FERMT2: variants seen among roughly 807,000 people sequenced by gnomAD.
FERMT2 encodes the protein fermitin family homolog 2.
In FERMT2, 15 loss-of-function variants were observed where a neutral mutation model predicts 82.7. The observed-to-expected ratio is 0.18, with a 90% CI of 0.12 to 0.28. FERMT2 has a LOEUF of 0.28. Ranked by LOEUF, FERMT2 falls within the 10% of genes least tolerant of loss-of-function variation. The pLI is 1.00. For missense variants in FERMT2, 645 were observed against 809.4 expected (o/e 0.80, Z 2.46); for synonymous variants, 274 against 271.5 (o/e 1.01, Z -0.09).
Position 52,860,289 on chromosome 14 carries a change from T to C in FERMT2, c.1727+52A>G. The C allele has an allele frequency of 1.9e-6, 3 of 1,583,876 alleles. No individual in the cohort carries two copies. In the South Asian group the frequency reaches 3.4e-5, roughly 18 times the overall value. On this transcript the variant is annotated intron_variant, in intron 13 of 14. Coordinates refer to ENST00000341590, the MANE Select transcript of FERMT2 (RefSeq NM_006832.3). Reference sequence around the variant, plus strand: ...TTAATATCTAATTACATGAGGTAGATTAAGCAAAAATGCAGATTAAGGTTT... The same window carrying C: ...TTAATATCTAATTACATGAGGTAGACTAAGCAAAAATGCAGATTAAGGTTT...
rs978762573 is a variant in FERMT2 at position 52,857,517 on chromosome 14, T to C, written c.*860A>G. On this transcript the variant is annotated 3_prime_UTR_variant, in exon 15 of 15. Coordinates refer to ENST00000341590, the MANE Select transcript of FERMT2 (RefSeq NM_006832.3). ...GATCATAATGAAGTCATTCTTAATTTAGTAGATATTAAAACTGCACGTTAA... is the reference window on the plus strand; with the variant it reads ...GATCATAATGAAGTCATTCTTAATTCAGTAGATATTAAAACTGCACGTTAA... 1.3e-5 allele frequency: 2 copies of C among 152,644 alleles called. No individual in the cohort carries two copies. Among genetic ancestry groups the C allele is most frequent in the East Asian group, 3.8e-4 (2 of 5,198 alleles). The allele number at this position is 152,644 out of a possible 1,614,324, so 9.5% of individuals were successfully genotyped here. A position where few individuals can be genotyped will look rare whatever the true frequency, so the allele number is the denominator to read the frequency against.
intron 4 of FERMT2, among the ~76,000 whole-genome samples, chr14:52,885,312 CAAAAAAAAA>C (rs1181582996): frequency 8.2e-5 from 5 of 61,064 alleles, no homozygotes; most frequent in East Asian, 5.7e-4. Context: ...GACTTAGTCT[CAAAAAAAAA>C]AAAAAAAAAA....
intron 2 of FERMT2, among the ~76,000 whole-genome samples, chr14:52,925,933 C>G (rs1306142093): frequency 6.6e-6 from 1 of 152,098 alleles, no homozygotes; most frequent in African/African-American, 2.4e-5. Flanking sequence ...CATGAGCCAC[C>G]GCGCCCGGCA....
intron 10 of FERMT2, among the ~76,000 whole-genome samples, chr14:52,870,576 G>A (rs1192288969): frequency 6.6e-6 from 1 of 152,116 alleles, no homozygotes; most frequent in Admixed American, 6.6e-5. Flanking sequence ...ATTTAGATAT[G>A]TTTAGATAAC....
intron 10 of FERMT2, among the ~76,000 whole-genome samples, chr14:52,869,266 C>G (rs1168271152): frequency 1.3e-5 from 2 of 152,102 alleles, no homozygotes; most frequent in African/African-American, 4.8e-5. Flanking sequence ...TACAGAATTC[C>G]AAAATGTGGG....
intron 4 of FERMT2, among the ~76,000 whole-genome samples, chr14:52,890,862 CA>C (rs1471849751): frequency 1.3e-5 from 2 of 152,088 alleles, no homozygotes; most frequent in East Asian, 3.9e-4. Flanking sequence ...CTCAGCCTCC[CA>C]AAAGTGCTGG....
chr14:52,881,001 G>A, intron 6 of FERMT2, 35 bp downstream of exon 6: 1 of 1,350,894 alleles, frequency 7.4e-7, no homozygotes, highest in Non-Finnish European at 1.0e-6. Context: ...CAAATTAATG[G>A]GGAAAAAAAA....
At chr14:52,905,515 T>G (rs563398240) in intron 3 of FERMT2, among the ~76,000 whole-genome samples, 1 of 152,328 alleles carries the variant, frequency 6.6e-6, no homozygotes, top group East Asian at 1.9e-4. Flanking sequence ...AGGAGGCTCC[T>G]GGAGCAGGAA....
intron 4 of FERMT2, among the ~76,000 whole-genome samples, chr14:52,892,218 T>C (rs1886982795): frequency 6.9e-6 from 1 of 144,226 alleles, no homozygotes; most frequent in African/African-American, 2.6e-5. Flanking sequence ...GTTGGCTCAC[T>C]GCAACCTCCG....
chr14:52,908,353 T>C (rs1276800737), intron 3 of FERMT2, among the ~76,000 whole-genome samples: 2 of 152,226 alleles, frequency 1.3e-5, no homozygotes, highest in African/African-American at 2.4e-5. Context: ...TAAATACCTA[T>C]GTTCCCACAA....
chr14:52,872,171 G>C (rs950176690), intron 10 of FERMT2: 1 of 152,626 alleles, frequency 6.6e-6, no homozygotes, highest in African/African-American at 2.4e-5. Context: ...ATCCAAAACA[G>C]ACAAGGAGGC....
rs555840626 is a variant in FERMT2 at position 52,924,580 on chromosome 14, A to G, written c.158-5224T>C. On this transcript the variant is annotated intron_variant, in intron 2 of 14. Coordinates refer to ENST00000341590, the MANE Select transcript of FERMT2 (RefSeq NM_006832.3). Reference sequence around the variant, plus strand: ...AGAAGTGTGGTGATGGGGGTATGCAAGAGTTCACTCTTGCAAGAGAGTGTG... The same window carrying G: ...AGAAGTGTGGTGATGGGGGTATGCAGGAGTTCACTCTTGCAAGAGAGTGTG... Among the ~76,000 whole-genome samples the G allele has an allele frequency of 2.6e-3, 399 of 152,310 alleles. 3 individuals carry two copies. Among genetic ancestry groups the G allele is most frequent in the Middle Eastern group, 0.014 (4 of 294 alleles).
chr14:52,945,505 C>G (rs1890302707), intron 2 of FERMT2, among the ~76,000 whole-genome samples: 1 of 152,048 alleles, frequency 6.6e-6, no homozygotes, highest in African/African-American at 2.4e-5. Context: ...CCACCTGCCT[C>G]AGACTCCCAA....
At chr14:52,864,276 T>C in intron 12 of FERMT2, 125 bp downstream of exon 12, 1 of 665,480 alleles carries the variant, frequency 1.5e-6, no homozygotes, top group Admixed American at 2.8e-5. Context: ...AACTGTATTT[T>C]ATATTCTAAC....
intron 6 of FERMT2, among the ~76,000 whole-genome samples, chr14:52,879,594 T>C (rs1886172402): frequency 6.6e-6 from 1 of 152,178 alleles, no homozygotes; most frequent in Non-Finnish European, 1.5e-5. Flanking sequence ...TTACTAAAAG[T>C]AGGTATGATG....
intron 12 of FERMT2, chr14:52,861,463 TC>T (rs368706669): frequency 1.0e-3 from 164 of 159,696 alleles, no homozygotes; most frequent in Middle Eastern, 9.3e-3. Flanking sequence ...TAAAGTCTTC[TC>T]AGATTTAGTC....
At chr14:52,923,036 T>G (rs1889050287) in intron 2 of FERMT2, among the ~76,000 whole-genome samples, 1 of 152,202 alleles carries the variant, frequency 6.6e-6, no homozygotes. Context: ...CTGTACTGAA[T>G]GCTGTAGGCA....
intron 3 of FERMT2, among the ~76,000 whole-genome samples, chr14:52,912,556 G>A (rs1023790076): frequency 6.7e-6 from 1 of 150,270 alleles, no homozygotes; most frequent in Non-Finnish European, 1.5e-5. Flanking sequence ...TGTTGCCCAG[G>A]CTGGAAAGCA....
Position 52,857,274 on chromosome 14 carries a change from TAAATA to T in FERMT2, c.*1098_*1102del, listed in dbSNP as rs1028561847. 7 of 152,786 alleles carry T rather than the reference TAAATA, an allele frequency of 4.6e-5. No homozygotes were observed. The East Asian group carries it at 5.8e-4, about 13-fold the overall frequency. The allele number at this position is 152,786 out of a possible 1,614,324, so 9.5% of individuals were successfully genotyped here. Reference sequence around the variant, plus strand: ...TAAAAACAAGTACAAAAATAAATATTAAATAAAAGTTTTGCTTTTATTTAAAATAA... The same window carrying T: ...TAAAAACAAGTACAAAAATAAATATTAAAGTTTTGCTTTTATTTAAAATAA... On this transcript the variant is annotated 3_prime_UTR_variant, in exon 15 of 15. Transcript: ENST00000341590.
Sources: allele counts gnomAD v4.1 joint callset (sites outside exome capture counted in the v4.1 genomes callset), GRCh38; gene constraint gnomAD v4.1.1; transcripts MANE v1.5; gene names NCBI Gene and HGNC (gene_info 2026-07-23, HGNC 2026-07-21).